The following RBM6 variants were observed in gnomAD, a reference collection of about 807,000 sequenced individuals.
RBM6 encodes the protein RNA binding motif protein 6, also known as RNA-binding protein 6.
RBM6 carries 23 observed loss-of-function variants against 140.4 expected under a neutral mutation model. The observed-to-expected ratio is 0.16, with a 90% confidence interval of 0.12 to 0.23. The LOEUF is 0.23. RBM6 is among the 10% of genes least tolerant of loss of function. The pLI is 1.00. For missense variants in RBM6, 1,139 were observed against 1,386.7 expected, an observed-to-expected ratio of 0.82 and a Z score of 2.84; for synonymous variants, 439 against 475.6, an observed-to-expected ratio of 0.92 and a Z score of 1.00.
At chr3:49,958,782 C>CT (rs35853185) in intron 1 of RBM6, among the ~76,000 whole-genome samples, 40,474 of 114,320 alleles carry the variant, frequency 0.35, 8,244 homozygotes, top group Non-Finnish European at 0.42. Context: ...TGAAGAATTC[C>CT]TTTTTTTTTT....
chr3:49,972,711 A>G (rs547349266), intron 4 of RBM6, among the ~76,000 whole-genome samples: 1 of 152,342 alleles, frequency 6.6e-6, no homozygotes, highest in African/African-American at 2.4e-5. Context: ...TGAGTGACAC[A>G]GCAGTGTATA....
At chr3:50,006,116 AG>A (rs2108753576) in intron 6 of RBM6, among the ~76,000 whole-genome samples, 1 of 148,458 alleles carries the variant, frequency 6.7e-6, no homozygotes, top group Admixed American at 6.7e-5. Context: ...GCTGTAGCGC[AG>A]GGGTGCGATT....
intron 5 of RBM6, among the ~76,000 whole-genome samples, chr3:49,984,601 A>ATCGCATCGCATCGCATCG (rs1559552631): frequency 3.3e-4 from 30 of 91,692 alleles, no homozygotes; most frequent in African/African-American, 1.6e-3. Flanking sequence ...ACATCACATC[A>ATCGCATCGCATCGCATCG]CATCACATCA....
intron 5 of RBM6, among the ~76,000 whole-genome samples, chr3:49,980,045 A>G (rs6780731): frequency 0.51 from 77,206 of 151,494 alleles, 20,798 homozygotes; most frequent in African/African-American, 0.64. Context: ...TGGTCACCCA[A>G]GCTGGAGCGT....
At chr3:50,058,757 T>C (rs2089818159) in intron 10 of RBM6, 195 bp downstream of exon 10, 1 of 406,818 alleles carries the variant, frequency 2.5e-6, no homozygotes, top group South Asian at 3.9e-5. Flanking sequence ...TACTAAAAAA[T>C]ACAGAAAAAT....
At chr3:49,990,385 A>G (rs2085765892) in intron 5 of RBM6, among the ~76,000 whole-genome samples, 2 of 152,222 alleles carry the variant, frequency 1.3e-5, no homozygotes, top group Non-Finnish European at 2.9e-5. Flanking sequence ...GCATTGTGCC[A>G]CCAAATCAAC....
chr3:49,949,231 T>TA (rs1267758715), intron 1 of RBM6, among the ~76,000 whole-genome samples: 1 of 152,052 alleles, frequency 6.6e-6, no homozygotes, highest in Admixed American at 6.6e-5. Context: ...TGCTGAATCA[T>TA]AAAAAATTAT....
intron 5 of RBM6, among the ~76,000 whole-genome samples, chr3:49,982,262 CTTTTTTTTTTTTTT>C (rs751604271): frequency 2.6e-4 from 18 of 68,398 alleles, no homozygotes; most frequent in South Asian, 4.9e-4. Flanking sequence ...CTTTTCTTTT[CTTTTTTTTTTTTTT>C]TTTTTTTTTT....
At chr3:50,017,080 T>C (rs2087204390) in intron 6 of RBM6, among the ~76,000 whole-genome samples, 1 of 152,082 alleles carries the variant, frequency 6.6e-6, no homozygotes, top group Non-Finnish European at 1.5e-5. Context: ...CCCACCTTGG[T>C]TTCTGAAAGT....
intron 6 of RBM6, among the ~76,000 whole-genome samples, chr3:50,025,587 AT>A (rs761261742): frequency 0.032 from 4,031 of 124,448 alleles, 572 homozygotes; most frequent in African/African-American, 0.081. Flanking sequence ...TACAACTTTA[AT>A]TTTTTTTTTT....
At chr3:50,047,127 T>C in intron 6 of RBM6, 1 of 973,996 alleles carries the variant, frequency 1.0e-6, no homozygotes, top group Non-Finnish European at 1.2e-6. Flanking sequence ...TTATCCTGTG[T>C]ATTTCTCTTG....
intron 6 of RBM6, among the ~76,000 whole-genome samples, chr3:50,007,139 G>A (rs2108756272): frequency 6.6e-6 from 1 of 150,406 alleles, no homozygotes; most frequent in African/African-American, 2.4e-5. Flanking sequence ...CATTTAGCCT[G>A]TTGATTGATA....
intron 7 of RBM6, among the ~76,000 whole-genome samples, chr3:50,050,620 A>G (rs921316440): frequency 5.3e-5 from 8 of 152,150 alleles, no homozygotes; most frequent in Non-Finnish European, 8.8e-5. Context: ...GGAACCATCA[A>G]ACTGTATTTC....
chr3:50,063,173 A>G (rs894806940), intron 15 of RBM6, among the ~76,000 whole-genome samples: 1 of 152,114 alleles, frequency 6.6e-6, no homozygotes, highest in Non-Finnish European at 1.5e-5. Context: ...AGTTACAGGC[A>G]AGACCCACCT....
At chr3:49,990,797 G>C (rs1337148392) in intron 5 of RBM6, among the ~76,000 whole-genome samples, 1 of 152,168 alleles carries the variant, frequency 6.6e-6, no homozygotes, top group Non-Finnish European at 1.5e-5. Context: ...AGCCCCAGGT[G>C]AATTGATAGA....
chr3:50,068,785 A>G lies in RBM6; in HGVS notation c.3018+21A>G, dbSNP rs1477283599. 1.9e-6 allele frequency: 3 copies of G among 1,603,100 alleles called. No individual in the cohort carries two copies. In the South Asian group the frequency reaches 3.3e-5, roughly 18 times the overall value. On this transcript the variant is annotated intron_variant, in intron 18 of 20. Transcript: ENST00000266022. ...GAGAGGTAAACTTTGGTGACCTATT[A>G]CTCCCTTGACCTCAGCTCTTTTTGC...
intron 6 of RBM6, among the ~76,000 whole-genome samples, chr3:50,021,677 G>A (rs1378751382): frequency 1.5e-5 from 2 of 137,744 alleles, no homozygotes; most frequent in African/African-American, 2.7e-5. Flanking sequence ...ACATACCTAT[G>A]TACATACATA....
intron 20 of RBM6, 129 bp from the exon 21 acceptor site, chr3:50,076,879 A>C: frequency 1.1e-6 from 1 of 892,354 alleles, no homozygotes; most frequent in Non-Finnish European, 1.6e-6. Context: ...GCATGACTCC[A>C]TCTAAAAAAA....
intron 6 of RBM6, among the ~76,000 whole-genome samples, chr3:50,002,110 T>C (rs908199791): frequency 1.3e-5 from 2 of 152,142 alleles, no homozygotes; most frequent in African/African-American, 2.4e-5. Flanking sequence ...TTTGTGTGTG[T>C]GTGTGAGACG....
Sources: gnomAD v4.1 joint callset for allele counts (sites outside exome capture counted in the v4.1 genomes callset) on GRCh38, gnomAD v4.1.1 for gene constraint, MANE v1.5 for transcripts, NCBI Gene and HGNC (gene_info 2026-07-23, HGNC 2026-07-21) for gene names.